PRKN: variants seen among roughly 807,000 people sequenced by gnomAD.
PRKN encodes the protein E3 ubiquitin-protein ligase parkin.
A neutral mutation model predicts 59.5 loss-of-function variants in PRKN; 56 were observed. That is an observed-to-expected ratio of 0.94 (90% CI 0.76 to 1.18). The LOEUF (loss-of-function observed/expected upper bound fraction) is 1.18. Among genes scored for constraint, PRKN ranks in the 50% most tolerant of loss-of-function variants. The pLI is 0.00. For missense variants in PRKN, 657 were observed against 596.4 expected (o/e 1.10, Z -1.06); for synonymous variants, 250 against 222.1 (o/e 1.13, Z -1.12).
chr6:162,651,728 G>C (rs959156347), intron 1 of PRKN, among the ~76,000 whole-genome samples: 3 of 152,176 alleles, frequency 2.0e-5, no homozygotes, highest in Non-Finnish European at 4.4e-5. Flanking sequence ...GATTTAGAGA[G>C]TGCTCTAACT....
At chr6:161,836,877 C>T (rs1792778239) in intron 6 of PRKN, among the ~76,000 whole-genome samples, 1 of 152,096 alleles carries the variant, frequency 6.6e-6, no homozygotes, top group Non-Finnish European at 1.5e-5. Context: ...GTGTGAGGTG[C>T]CAAGGTCTCA....
chr6:161,804,008 G>A (rs1009746812), intron 6 of PRKN, among the ~76,000 whole-genome samples: 1 of 152,194 alleles, frequency 6.6e-6, no homozygotes, highest in Non-Finnish European at 1.5e-5. Flanking sequence ...AGACACATGG[G>A]GGGTGGCACA....
chr6:161,867,759 T>TTATTTATGTATTTATGTATTTATG (rs1274373598), intron 6 of PRKN, among the ~76,000 whole-genome samples: 1 of 150,122 alleles, frequency 6.7e-6, no homozygotes, highest in African/African-American at 2.5e-5. Context: ...ATTTATTTAT[T>TTATTTATGTATTTATGTATTTATG]TATTTATTTA....
intron 4 of PRKN, among the ~76,000 whole-genome samples, chr6:162,087,684 C>G (rs920051783): frequency 4.1e-5 from 6 of 145,038 alleles, no homozygotes; most frequent in African/African-American, 1.5e-4. Flanking sequence ...AGCTCCGCTT[C>G]CCAGGTTCAA....
rs1781467039 is a variant in PRKN at position 161,584,871 on chromosome 6, A to T, written c.872-15455T>A. Reference sequence around the variant, plus strand: ...ATTATACTATCACACCATGGAAACAAATTAAACAGCACAAGCCTGGCTGCC... The same window carrying T: ...ATTATACTATCACACCATGGAAACATATTAAACAGCACAAGCCTGGCTGCC... On this transcript the variant is annotated intron_variant, in intron 7 of 11. Coordinates refer to ENST00000366898, the MANE Select transcript of PRKN (RefSeq NM_004562.3). The surrounding 1 kb of genome is among the most constrained non-coding windows in gnomAD (Gnocchi z 4.8). Among the ~76,000 whole-genome samples, 1 of 152,178 alleles carries T rather than the reference A, an allele frequency of 6.6e-6. No homozygotes were observed. Among genetic ancestry groups the T allele is most frequent in the Non-Finnish European group, 1.5e-5 (1 of 68,032 alleles).
chr6:161,846,880 G>A (rs1012693567), intron 6 of PRKN, among the ~76,000 whole-genome samples: 1 of 152,188 alleles, frequency 6.6e-6, no homozygotes, highest in African/African-American at 2.4e-5. Flanking sequence ...GAATAAGCAG[G>A]AATGATGGCT....
intron 5 of PRKN, among the ~76,000 whole-genome samples, chr6:162,036,862 G>T (rs1373357438): frequency 1.3e-5 from 2 of 152,050 alleles, no homozygotes; most frequent in African/African-American, 4.8e-5. Context: ...TCTATACCGT[G>T]CAATTATAAT....
chr6:161,989,339 CA>C (rs1562441244), intron 5 of PRKN, among the ~76,000 whole-genome samples: 1 of 152,194 alleles, frequency 6.6e-6, no homozygotes, highest in Non-Finnish European at 1.5e-5. Context: ...CCATGCACAT[CA>C]GGGGGCCTGA....
At chr6:162,027,359 T>A (rs1783473591) in intron 5 of PRKN, among the ~76,000 whole-genome samples, 2 of 152,170 alleles carry the variant, frequency 1.3e-5, no homozygotes, top group Admixed American at 1.3e-4. Context: ...TTTTGCACCA[T>A]CCTCATAAAG....
chr6:162,430,362 C>T (rs1426853272), intron 2 of PRKN, among the ~76,000 whole-genome samples: 1 of 152,132 alleles, frequency 6.6e-6, no homozygotes, highest in African/African-American at 2.4e-5. Flanking sequence ...TTAACTAATG[C>T]ACCAAAGGTC....
At position 161,774,381 on chromosome 6, in the gene PRKN, A is replaced by AACACACAC. The variant is rs1562673354; in HGVS notation, c.871+11390_871+11391insGTGTGTGT. ...CCTCCCCCATCCTTTCTACTCCCTG[A>AACACACAC]GCACACACACACACACACACACACA... On this transcript the variant is annotated intron_variant, in intron 7 of 11. Coordinates refer to ENST00000366898, the MANE Select transcript of PRKN (RefSeq NM_004562.3). 3.7e-4 allele frequency among the ~76,000 whole-genome samples: 33 copies of AACACACAC among 89,102 alleles called. 1 individual carries two copies. Among genetic ancestry groups the AACACACAC allele is most frequent in the African/African-American group, 1.2e-3 (32 of 27,416 alleles). The allele number at this position is 89,102 out of a possible 152,430, so 58.5% of individuals were successfully genotyped here.
At chr6:162,318,942 C>G (rs1782867880) in intron 2 of PRKN, among the ~76,000 whole-genome samples, 1 of 151,948 alleles carries the variant, frequency 6.6e-6, no homozygotes, top group Non-Finnish European at 1.5e-5. Context: ...TATTACGAAG[C>G]ACTTGTCACA....
chr6:162,398,628 G>A (rs1375726210), intron 2 of PRKN, among the ~76,000 whole-genome samples: 1 of 152,154 alleles, frequency 6.6e-6, no homozygotes. Context: ...GACCTCAGGT[G>A]ATCCACCCGC....
At chr6:162,144,560 C>T (rs572677140) in intron 4 of PRKN, among the ~76,000 whole-genome samples, 1 of 152,282 alleles carries the variant, frequency 6.6e-6, no homozygotes, top group Admixed American at 6.5e-5. Context: ...CCTACAATGT[C>T]TGCAGTAGGT....
intron 6 of PRKN, among the ~76,000 whole-genome samples, chr6:161,845,377 T>C (rs1793159201): frequency 6.6e-6 from 1 of 152,132 alleles, no homozygotes; most frequent in Admixed American, 6.5e-5. Context: ...CTGAACGACA[T>C]TCTAAGGAAA....
rs752742234 is a variant in PRKN at position 161,973,454 on chromosome 6, C to G, written c.619-37G>C. On this transcript the variant is annotated intron_variant, in intron 5 of 11. Coordinates refer to ENST00000366898, the MANE Select transcript of PRKN (RefSeq NM_004562.3). The stretch of plus-strand genomic sequence containing the variant: ...ATAAATATGATCACACACATGGATC[C>G]CGGCTGCTCATTTTTCCTCTAAATG... 3.4e-6 allele frequency: 4 copies of G among 1,159,726 alleles called. No homozygotes were observed. The East Asian group carries it at 7.0e-5, about 20-fold the overall frequency. The allele number at this position is 1,159,726 out of a possible 1,614,324, so 71.8% of individuals were successfully genotyped here. A position where few individuals can be genotyped will look rare whatever the true frequency, so the allele number is the denominator to read the frequency against.
At chr6:162,477,623 T>C (rs923298357) in intron 1 of PRKN, among the ~76,000 whole-genome samples, 1 of 152,166 alleles carries the variant, frequency 6.6e-6, no homozygotes, top group Non-Finnish European at 1.5e-5. Flanking sequence ...CGATTCCCTT[T>C]TTCCACCTAT....
At chr6:161,832,812 G>A (rs938137046) in intron 6 of PRKN, among the ~76,000 whole-genome samples, 2 of 151,784 alleles carry the variant, frequency 1.3e-5, no homozygotes, top group Admixed American at 1.3e-4. Flanking sequence ...TTGTGGCGGC[G>A]CCTGTGCCCT....
Position 161,546,838 on chromosome 6 carries a change from A to G in PRKN, c.1083+2016T>C, listed in dbSNP as rs1342008015. Among the ~76,000 whole-genome samples, 1 of 152,104 alleles carries G rather than the reference A, an allele frequency of 6.6e-6. No individual in the cohort carries two copies. Among genetic ancestry groups the G allele is most frequent in the Non-Finnish European group, 1.5e-5 (1 of 68,018 alleles). On this transcript the variant is annotated intron_variant, in intron 9 of 11. Transcript: ENST00000366898. The surrounding 1 kb of genome is among the most constrained non-coding windows in gnomAD (Gnocchi z 4.4). The stretch of plus-strand genomic sequence containing the variant: ...CTTGCTCTGGGGAAAGCCAGCTGCC[A>G]TCATGGGGACAAACAGCCTAAGACA...
Sources: allele counts gnomAD v4.1 joint callset (sites outside exome capture counted in the v4.1 genomes callset), GRCh38; gene constraint gnomAD v4.1.1; non-coding constraint Gnocchi (gnomAD v3.1); transcripts MANE v1.5; gene names NCBI Gene and HGNC (gene_info 2026-07-23, HGNC 2026-07-21).